The following LAMA2 variants were observed in gnomAD, a reference collection of about 807,000 sequenced individuals.
The protein encoded by LAMA2 is laminin subunit alpha 2, also known as laminin subunit alpha-2.
In LAMA2, 269 loss-of-function variants were observed where a neutral mutation model predicts 364.8. The observed-to-expected ratio is 0.74, with a 90% CI of 0.67 to 0.82. LAMA2 has a LOEUF of 0.82. Ranked by LOEUF, LAMA2 falls within the 40% of genes least tolerant of loss-of-function variation. The probability of loss-of-function intolerance (pLI) is 0.00; values close to 1 mark genes in which losing one functional copy is unlikely to be tolerated. For missense variants in LAMA2, 3,807 were observed against 3,873.2 expected, an observed-to-expected ratio of 0.98 and a Z score of 0.45; for synonymous variants, 1,379 against 1,370.6, an observed-to-expected ratio of 1.01 and a Z score of -0.14.
chr6:128,912,662 T>C (rs1778048062), intron 1 of LAMA2, among the ~76,000 whole-genome samples: 1 of 152,230 alleles, frequency 6.6e-6, no homozygotes. Flanking sequence ...AATACAAAGA[T>C]GAGCAAGACG....
chr6:129,451,339 A>G (rs1782665465), intron 45 of LAMA2, among the ~76,000 whole-genome samples: 1 of 152,308 alleles, frequency 6.6e-6, no homozygotes, highest in East Asian at 1.9e-4. Context: ...AGGACACAGA[A>G]CAAACACTCT....
intron 1 of LAMA2, among the ~76,000 whole-genome samples, chr6:128,938,042 T>C (rs892736929): frequency 2.6e-5 from 4 of 152,136 alleles, no homozygotes; most frequent in Admixed American, 1.3e-4. Flanking sequence ...GACCCATTGG[T>C]CATTTTGGAG....
chr6:129,478,839 A>G (rs371661779), intron 54 of LAMA2, 26 bp downstream of exon 54: 8 of 1,598,416 alleles, frequency 5.0e-6, no homozygotes, highest in African/African-American at 1.3e-5. Context: ...ATAGTTCTCT[A>G]AACACATTTA....
At position 129,288,048 on chromosome 6, in the gene LAMA2, G is replaced by C; in HGVS notation, c.2739G>C (p.Lys913Asn). Residue 913 changes from lysine to asparagine, a missense_variant, in exon 19 of 65, where the codon AAG becomes AAC. By Grantham distance (94) the Lys-to-Asn change is moderately conservative (BLOSUM62 0). Transcript: ENST00000421865. ...DGYFGDAVDA[K>N]NCQPCRCNAG... ...ATTTTGGAGATGCAGTTGATGCGAA[G>C]AACTGTCAGCGTAAGTCCTGAACTA... The C allele has an allele frequency of 1.2e-6, 2 of 1,613,838 alleles. No homozygotes were observed. Among genetic ancestry groups the C allele is most frequent in the African/African-American group, 1.3e-5 (1 of 75,022 alleles).
intron 1 of LAMA2, among the ~76,000 whole-genome samples, chr6:129,020,273 G>A (rs1785364120): frequency 6.6e-6 from 1 of 152,054 alleles, no homozygotes; most frequent in Non-Finnish European, 1.5e-5. Context: ...TGGAGGAGAG[G>A]TGGTTACAAG....
chr6:129,218,066 T>A (rs1783544160), intron 12 of LAMA2, among the ~76,000 whole-genome samples: 1 of 152,140 alleles, frequency 6.6e-6, no homozygotes, highest in African/African-American at 2.4e-5. Flanking sequence ...CTGTAATGAA[T>A]CAAAACTTAA....
At chr6:128,987,140 G>GTTTTTTTTTTTTTTTTT (rs764115716) in intron 1 of LAMA2, among the ~76,000 whole-genome samples, 4 of 121,358 alleles carry the variant, frequency 3.3e-5, no homozygotes, top group Non-Finnish European at 6.6e-5. Flanking sequence ...TTTTTTTTTT[G>GTTTTTTTTTTTTTTTTT]TTTTTTTTTT....
intron 4 of LAMA2, among the ~76,000 whole-genome samples, chr6:129,132,227 C>T (rs1387230350): frequency 1.3e-5 from 2 of 149,798 alleles, no homozygotes; most frequent in African/African-American, 2.5e-5. Flanking sequence ...AGTGCAGTGG[C>T]ACAATCTCGG....
At chr6:129,062,912 G>GTTTTTTTTTTT (rs368817743) in intron 3 of LAMA2, among the ~76,000 whole-genome samples, 2 of 130,034 alleles carry the variant, frequency 1.5e-5, no homozygotes, top group African/African-American at 2.8e-5. Context: ...ATTACAGTGG[G>GTTTTTTTTTTT]TTTTTTTTTT....
intron 29 of LAMA2, among the ~76,000 whole-genome samples, chr6:129,336,801 G>A (rs1309848492): frequency 6.6e-6 from 1 of 152,212 alleles, no homozygotes; most frequent in Non-Finnish European, 1.5e-5. Context: ...GTACACTCTA[G>A]TGATATCTCC....
At chr6:129,305,803 G>A (rs190503249) in intron 22 of LAMA2, among the ~76,000 whole-genome samples, 16 of 150,658 alleles carry the variant, frequency 1.1e-4, no homozygotes, top group African/African-American at 3.6e-4. Context: ...GCTTTTGCTT[G>A]CCTTATCTGC....
intron 34 of LAMA2, among the ~76,000 whole-genome samples, chr6:129,380,393 T>C (rs1180007488): frequency 6.6e-6 from 1 of 152,020 alleles, no homozygotes; most frequent in Non-Finnish European, 1.5e-5. Flanking sequence ...AAGTTAGGCA[T>C]CATACTAGGA....
intron 41 of LAMA2, among the ~76,000 whole-genome samples, chr6:129,432,110 C>T (rs1781625564): frequency 6.6e-6 from 1 of 152,168 alleles, no homozygotes; most frequent in African/African-American, 2.4e-5. Context: ...GCAAAATCTG[C>T]TCTATTGACC....
chr6:128,957,160 T>G (rs1305079915), intron 1 of LAMA2, among the ~76,000 whole-genome samples: 1 of 152,152 alleles, frequency 6.6e-6, no homozygotes, highest in East Asian at 1.9e-4. Flanking sequence ...AATTATTGAG[T>G]GTTTATTATG....
At chr6:129,219,600 G>A (rs371660352) in intron 12 of LAMA2, among the ~76,000 whole-genome samples, 1 of 148,240 alleles carries the variant, frequency 6.7e-6, no homozygotes, top group East Asian at 2.0e-4. Flanking sequence ...ATGATAGACT[G>A]GATTAAGAAA....
intron 1 of LAMA2, among the ~76,000 whole-genome samples, chr6:128,949,923 A>G (rs1381662636): frequency 6.6e-6 from 1 of 152,160 alleles, no homozygotes; most frequent in African/African-American, 2.4e-5. Flanking sequence ...AACTTTTTTG[A>G]TATACTTGAG....
intron 1 of LAMA2, among the ~76,000 whole-genome samples, chr6:129,048,251 C>T (rs952382935): frequency 6.6e-6 from 1 of 152,022 alleles, no homozygotes. Flanking sequence ...TCTAATTATT[C>T]GTTTATTTTA....
intron 11 of LAMA2, among the ~76,000 whole-genome samples, chr6:129,191,426 C>G (rs924082312): frequency 1.3e-5 from 2 of 152,178 alleles, no homozygotes; most frequent in South Asian, 2.1e-4. Context: ...AGATGGACAT[C>G]TAGTCTAACT....
chr6:129,296,246 A>T (rs1773171981), intron 20 of LAMA2, among the ~76,000 whole-genome samples: 1 of 152,016 alleles, frequency 6.6e-6, no homozygotes, highest in Admixed American at 6.5e-5. Flanking sequence ...CTTTAATAAT[A>T]TTCCAATTTC....
Sources: gnomAD v4.1 joint callset for allele counts (sites outside exome capture counted in the v4.1 genomes callset) on GRCh38, gnomAD v4.1.1 for gene constraint, MANE v1.5 for transcripts, NCBI Gene and HGNC (gene_info 2026-07-23, HGNC 2026-07-21) for gene names.